MAP2K5: variants seen among roughly 807,000 people sequenced by gnomAD.
The protein encoded by MAP2K5 is dual specificity mitogen-activated protein kinase kinase 5.
A neutral mutation model predicts 83.1 loss-of-function variants in MAP2K5; 49 were observed. The observed-to-expected ratio is 0.59, with a 90% CI of 0.47 to 0.75. The LOEUF (loss-of-function observed/expected upper bound fraction) is 0.75, where lower values mean the gene tolerates loss of function less well. Among genes scored for constraint, MAP2K5 ranks in the 30% least tolerant of loss-of-function variants. MAP2K5 has a pLI of 0.00. For synonymous variants in MAP2K5, 202 were observed against 191.8 expected (o/e 1.05, Z -0.44); for missense variants, 457 against 557.5 (o/e 0.82, Z 1.82).
rs62016198 is a variant in MAP2K5 at position 67,652,899 on chromosome 15, G to A, written c.737-5654G>A. Reference sequence around the variant, plus strand: ...AATCACACAGTATTTGTCTTATTGTGTCTGGCTTATTTCATTTTGCATTAT... The same window carrying A: ...AATCACACAGTATTTGTCTTATTGTATCTGGCTTATTTCATTTTGCATTAT... On this transcript the variant is annotated intron_variant, in intron 11 of 21. Coordinates refer to ENST00000178640, the MANE Select transcript of MAP2K5 (RefSeq NM_145160.3). This position sits in a 1 kb window ranked among gnomAD's most constrained non-coding sequence, Gnocchi z 4.2. Among the ~76,000 whole-genome samples the A allele has an allele frequency of 0.022, 3,380 of 152,246 alleles. 58 individuals carry two copies. The highest frequency in any genetic ancestry group is 0.039 in the African/African-American group (1,633 of 41,528).
At position 67,685,724 on chromosome 15, in the gene MAP2K5, A is replaced by G. The variant is rs59960942; in HGVS notation, c.848-6755A>G. 8.5e-3 allele frequency among the ~76,000 whole-genome samples: 1,299 copies of G among 152,368 alleles called. 16 individuals are homozygous for G. Among genetic ancestry groups the G allele is most frequent in the African/African-American group, 0.03 (1,241 of 41,588 alleles). ...AAATACCCTAATATTACTTGAAGGT[A>G]GACTGTAAGAAATTAAAGCAGCATA... On this transcript the variant is annotated intron_variant, in intron 13 of 21. Coordinates refer to ENST00000178640, the MANE Select transcript of MAP2K5 (RefSeq NM_145160.3).
chr15:67,703,537 G>A (rs2088472916), intron 16 of MAP2K5, 129 bp downstream of exon 16: 11 of 695,718 alleles, frequency 1.6e-5, no homozygotes, highest in Non-Finnish European at 2.6e-5. Context: ...TACAGAGTTT[G>A]ACCATAAAGT....
chr15:67,616,287 T>C (rs2086053011), intron 8 of MAP2K5, among the ~76,000 whole-genome samples: 2 of 152,230 alleles, frequency 1.3e-5, no homozygotes. Context: ...CATGTTTTAA[T>C]AAGGAAGTAG....
At chr15:67,589,037 G>T (rs1415791753) in intron 6 of MAP2K5, among the ~76,000 whole-genome samples, 1 of 151,628 alleles carries the variant, frequency 6.6e-6, no homozygotes, top group African/African-American at 2.4e-5. Flanking sequence ...TAGAGACGGG[G>T]TCTCACTGTG....
chr15:67,642,619 A>G, intron 9 of MAP2K5: 1 of 702,824 alleles, frequency 1.4e-6, no homozygotes. Context: ...CAGCAGGAGC[A>G]AAGGCTGTAA....
chr15:67,628,488 T>A (rs1427388284), intron 8 of MAP2K5: 8 of 659,720 alleles, frequency 1.2e-5, no homozygotes, highest in African/African-American at 3.7e-5. Context: ...TAAAAAAAAA[T>A]AAAAATAAAA....
Position 67,586,716 on chromosome 15 carries a change from A to G in MAP2K5, c.364-130A>G, listed in dbSNP as rs528844063. 94 of 793,242 alleles carry G rather than the reference A, an allele frequency of 1.2e-4. No individual in the cohort carries two copies. In the African/African-American group the frequency reaches 1.3e-3, roughly 11 times the overall value. 49.1% of individuals were successfully genotyped at this position (793,242 alleles called of 1,614,324 possible). On this transcript the variant is annotated intron_variant, in intron 5 of 21. Coordinates refer to ENST00000178640, the MANE Select transcript of MAP2K5 (RefSeq NM_145160.3). ...TAACCTATATACTGAATAGACTCCA[A>G]CTGTGGGTTTGTCTAGCAACAAGCT... is the stretch of plus-strand genomic sequence containing the variant.
chr15:67,597,995 A>C (rs2085564783), intron 7 of MAP2K5, among the ~76,000 whole-genome samples: 1 of 152,112 alleles, frequency 6.6e-6, no homozygotes, highest in South Asian at 2.1e-4. Context: ...ACCTGAGGTC[A>C]GGAGTTCGAG....
chr15:67,661,326 A>AGTGACATT (rs2087234009), intron 12 of MAP2K5, among the ~76,000 whole-genome samples: 1 of 152,072 alleles, frequency 6.6e-6, no homozygotes, highest in Non-Finnish European at 1.5e-5. Flanking sequence ...TTTCTGAAGC[A>AGTGACATT]GTGACATTGT....
chr15:67,769,498 T>C lies in MAP2K5; in HGVS notation c.1135-104T>C. The C allele has an allele frequency of 1.0e-6, 1 of 979,708 alleles. No individual in the cohort carries two copies. The highest frequency in any genetic ancestry group is 1.6e-5 in the African/African-American group (1 of 62,366). 60.7% of individuals were successfully genotyped at this position (979,708 alleles called of 1,614,324 possible). ...TTAATTGGGTGAGGCCTTATTCTCATTGTATTCATCTTTATACTCATCCTT... is the reference window on the plus strand; with the variant it reads ...TTAATTGGGTGAGGCCTTATTCTCACTGTATTCATCTTTATACTCATCCTT... On this transcript the variant is annotated intron_variant, in intron 19 of 21. Coordinates refer to ENST00000178640, the MANE Select transcript of MAP2K5 (RefSeq NM_145160.3). This position sits in a 1 kb window ranked among gnomAD's most constrained non-coding sequence, Gnocchi z 5.2.
At position 67,543,393 on chromosome 15, in the gene MAP2K5, C is replaced by T; in HGVS notation, c.58C>T (p.Arg20Cys). The change falls in exon 1 of 22, where the codon CGC (arginine) becomes TGC (cysteine). Residue 20 changes from arginine (R) to cysteine (C), a missense_variant. By Grantham distance (180) the Arg-to-Cys change is radical (BLOSUM62 -3). Transcript: ENST00000178640. The surrounding 1 kb of genome is among the most constrained non-coding windows in gnomAD (Gnocchi z 4.3). The stretch of plus-strand genomic sequence containing the variant: ...CATGGAGAACCAGGTGCTGGTAATT[C>T]GCATCAAGATCCCAAATAGTGGCGC... ...PAMENQVLVI[R>C]IKIPNSGAVD... The T allele has an allele frequency of 6.2e-7, 1 of 1,614,136 alleles. No individual in the cohort carries two copies. Among genetic ancestry groups the T allele is most frequent in the Non-Finnish European group, 8.5e-7 (1 of 1,180,024 alleles).
chr15:67,565,551 G>A lies in MAP2K5; in HGVS notation c.252+2201G>A, dbSNP rs573091693. On this transcript the variant is annotated intron_variant, in intron 3 of 21. Coordinates refer to ENST00000178640, the MANE Select transcript of MAP2K5 (RefSeq NM_145160.3). This position sits in a 1 kb window ranked among gnomAD's most constrained non-coding sequence, Gnocchi z 4.1. ...CCTGTCATCATCATTATTAAATTCTGAATAATTTGGGTTTATATAATACCT... is the reference window on the plus strand; with the variant it reads ...CCTGTCATCATCATTATTAAATTCTAAATAATTTGGGTTTATATAATACCT... Among the ~76,000 whole-genome samples, 2 of 151,912 alleles carry A rather than the reference G, an allele frequency of 1.3e-5. No individual in the cohort carries two copies. The highest frequency in any genetic ancestry group is 4.2e-4 in the South Asian group (2 of 4,810).
chr15:67,609,305 A>G (rs1267118778), intron 8 of MAP2K5, among the ~76,000 whole-genome samples: 2 of 152,052 alleles, frequency 1.3e-5, no homozygotes, highest in Non-Finnish European at 2.9e-5. Flanking sequence ...CAAGATAGGC[A>G]AGGTCCCTAT....
intron 16 of MAP2K5, among the ~76,000 whole-genome samples, chr15:67,704,105 AATG>A (rs1164868516): frequency 6.6e-6 from 1 of 152,148 alleles, no homozygotes; most frequent in Non-Finnish European, 1.5e-5. Context: ...TTTTTAATAA[AATG>A]ATGATTGATC....
intron 9 of MAP2K5, among the ~76,000 whole-genome samples, chr15:67,633,794 T>G (rs2086529009): frequency 6.6e-6 from 1 of 152,220 alleles, no homozygotes; most frequent in South Asian, 2.1e-4. Context: ...GCCCTGAGCT[T>G]GTTGGTAGTT....
chr15:67,682,677 C>CA (rs370381867), intron 13 of MAP2K5, among the ~76,000 whole-genome samples: 21,037 of 150,054 alleles, frequency 0.14, 1,553 homozygotes, highest in East Asian at 0.22. Flanking sequence ...ACTAAAAATA[C>CA]AAAAAATTAG....
chr15:67,593,101 T>G (rs1350536321), intron 7 of MAP2K5, 127 bp downstream of exon 7: 2 of 640,864 alleles, frequency 3.1e-6, no homozygotes, highest in African/African-American at 3.7e-5. Flanking sequence ...ATAACATGGC[T>G]TAATTTGATT....
rs2090360658 is a variant in MAP2K5 at position 67,783,280 on chromosome 15, A to G, written c.1242+10528A>G. Among the ~76,000 whole-genome samples the G allele has an allele frequency of 6.6e-6, 1 of 152,128 alleles. No homozygotes were observed. ...ACAGCCAAGCACAGGATAGAATGTG[A>G]GAATTGCCAGAGACCCCCGCTCACC... On this transcript the variant is annotated intron_variant, in intron 21 of 21. Transcript: ENST00000178640. This position sits in a 1 kb window ranked among gnomAD's most constrained non-coding sequence, Gnocchi z 5.1.
rs541000823 is a variant in MAP2K5, at chr15:67,639,563, G to C, written c.586-6668G>C. Reference sequence around the variant, plus strand: ...TGCCGGTGACCCCCCTGCCGGCGCTGCTCACTGCTCTCAGATTTGGCTTGC... The same window carrying C: ...TGCCGGTGACCCCCCTGCCGGCGCTCCTCACTGCTCTCAGATTTGGCTTGC... On this transcript the variant is annotated intron_variant, in intron 9 of 21. Coordinates refer to ENST00000178640, the MANE Select transcript of MAP2K5 (RefSeq NM_145160.3). Among the ~76,000 whole-genome samples, 12 of 152,236 alleles carry C rather than the reference G, an allele frequency of 7.9e-5. No individual in the cohort carries two copies. In the South Asian group the frequency reaches 2.5e-3, roughly 32 times the overall value.
Sources: gnomAD v4.1 joint callset for allele counts (sites outside exome capture counted in the v4.1 genomes callset) on GRCh38, gnomAD v4.1.1 for gene constraint, Gnocchi (gnomAD v3.1) non-coding constraint, MANE v1.5 for transcripts, NCBI Gene and HGNC (gene_info 2026-07-23, HGNC 2026-07-21) for gene names.